LDB3: variants seen among roughly 807,000 people sequenced by gnomAD.
LDB3 encodes the protein LIM domain-binding protein 3.
LDB3 carries 49 observed loss-of-function variants against 69.0 expected under a neutral mutation model. That is an observed-to-expected ratio of 0.71 (90% CI 0.56 to 0.90). LDB3 has a LOEUF of 0.90. Among genes scored for constraint, LDB3 ranks in the 40% least tolerant of loss-of-function variants. The pLI, the probability that LDB3 is intolerant of heterozygous loss-of-function variation, is 0.00. For missense variants in LDB3, 928 were observed against 974.1 expected (o/e 0.95, Z 0.63); for synonymous variants, 387 against 396.2 (o/e 0.98, Z 0.28).
rs1847590379 is a variant in LDB3, at chr10:86,735,183, A to C, written c.*2207A>C. The C allele has an allele frequency of 1.3e-5, 2 of 149,736 alleles. No individual in the cohort carries two copies. The highest frequency in any genetic ancestry group is 4.9e-5 in the African/African-American group (2 of 40,632). 9.3% of individuals were successfully genotyped at this position (149,736 alleles called of 1,614,324 possible). On this transcript the variant is annotated 3_prime_UTR_variant, in exon 14 of 14. Transcript: ENST00000361373. Reference sequence around the variant, plus strand: ...TTCACCACCGTCCTTTATTGAATCAATTTTTCTACATTTCAGAGCAAGTGT... The same window carrying C: ...TTCACCACCGTCCTTTATTGAATCACTTTTTCTACATTTCAGAGCAAGTGT...
chr10:86,693,346 C>T (rs1845860702), intron 7 of LDB3, among the ~76,000 whole-genome samples: 1 of 152,196 alleles, frequency 6.6e-6, no homozygotes, highest in Non-Finnish European at 1.5e-5. Flanking sequence ...ATGTCATCTG[C>T]ATGTTCTTCC....
chr10:86,697,076 C>G (rs1010755938), intron 7 of LDB3, among the ~76,000 whole-genome samples: 1 of 152,132 alleles, frequency 6.6e-6, no homozygotes, highest in Non-Finnish European at 1.5e-5. Flanking sequence ...GGTGCAGAAC[C>G]GAGGACCTCT....
chr10:86,728,884 C>T (rs1324625582), intron 13 of LDB3, among the ~76,000 whole-genome samples: 1 of 151,950 alleles, frequency 6.6e-6, no homozygotes, highest in African/African-American at 2.4e-5. Context: ...CCAGCCGGAA[C>T]ATGGTCTTAA....
At chr10:86,682,501 G>A (rs79069125) in intron 5 of LDB3, among the ~76,000 whole-genome samples, 2,016 of 152,226 alleles carry the variant, frequency 0.013, 49 homozygotes, top group African/African-American at 0.046. Context: ...TGGGACTGGG[G>A]CACTGTAGGG....
intron 4 of LDB3, among the ~76,000 whole-genome samples, chr10:86,680,523 G>C (rs945099342): frequency 6.6e-6 from 1 of 152,200 alleles, no homozygotes; most frequent in East Asian, 1.9e-4. Flanking sequence ...TGCCAAGGGG[G>C]CCACCGCTGG....
Position 86,692,428 on chromosome 10 carries a change from C to T in LDB3, c.860-107C>T, listed in dbSNP as rs1303727869. The T allele has an allele frequency of 7.0e-6, 8 of 1,135,800 alleles. No homozygotes were observed. In the African/African-American group the frequency reaches 1.2e-4, roughly 17 times the overall value. The allele number at this position is 1,135,800 out of a possible 1,614,324, so 70.4% of individuals were successfully genotyped here. A position where few individuals can be genotyped will look rare whatever the true frequency, so the allele number is the denominator to read the frequency against. ...AGTGGACAGGCAAGGGGGCAGTCAC[C>T]GTGTGGGGCCTGGCTGAATCCTGGG... On this transcript the variant is annotated intron_variant, in intron 6 of 13. Transcript: ENST00000361373.
In LDB3 at chr10:86,680,121, A is replaced by G; in HGVS notation, c.285A>G (p.Pro95=). 1 of 1,614,166 alleles carries G rather than the reference A, an allele frequency of 6.2e-7. No homozygotes were observed. Among genetic ancestry groups the G allele is most frequent in the South Asian group, 1.1e-5 (1 of 91,090 alleles). ...TTCCCATCTCCACGACAGCACCTCCAGTCCAGACCCCTCTGCCGGTGATCC... is the reference window on the plus strand; with the variant it reads ...TTCCCATCTCCACGACAGCACCTCCGGTCCAGACCCCTCTGCCGGTGATCC... The part of the protein sequence containing the change: ...RPIPISTTAP[P]VQTPLPVIPH... The change falls in exon 4 of 14, where the codon CCA becomes CCG. Residue 95 remains proline (P), a synonymous_variant. Coordinates refer to ENST00000361373, the MANE Select transcript of LDB3 (RefSeq NM_007078.3).
chr10:86,699,458 G>C lies in LDB3; in HGVS notation c.896+6887G>C. 1 of 1,602,586 alleles carries C rather than the reference G, an allele frequency of 6.2e-7. No individual in the cohort carries two copies. Among genetic ancestry groups the C allele is most frequent in the South Asian group, 1.1e-5 (1 of 90,206 alleles). ...CACAGATCTGGCATGTGAGCCCCAC[G>C]GTGATGCTTGACAATGTATAACTCT... On this transcript the variant is annotated intron_variant, in intron 7 of 13. Coordinates refer to ENST00000361373, the MANE Select transcript of LDB3 (RefSeq NM_007078.3). The surrounding 1 kb of genome is among the most constrained non-coding windows in gnomAD (Gnocchi z 4.9).
At chr10:86,718,600 G>A (rs1280245115) in intron 11 of LDB3, 127 bp from the exon 12 acceptor site, 6 of 1,295,000 alleles carry the variant, frequency 4.6e-6, no homozygotes, top group Non-Finnish European at 6.7e-6. Context: ...GAGTGACCAA[G>A]GCCTGCATCC....
In LDB3 at chr10:86,670,693, A is replaced by G. The variant is rs78744600; in HGVS notation, c.93+1909A>G. Among the ~76,000 whole-genome samples, 348 of 152,242 alleles carry G rather than the reference A, an allele frequency of 2.3e-3. 5 individuals are homozygous for G. The South Asian group carries it at 0.042, about 19-fold the overall frequency. On this transcript the variant is annotated intron_variant, in intron 2 of 13. Coordinates refer to ENST00000361373, the MANE Select transcript of LDB3 (RefSeq NM_007078.3). ...GGTATGCAGGGATGTGCTGGATCCA[A>G]TGACTGTGGGGACTTCTAAAAATAG...
chr10:86,682,544 C>T (rs932549405), intron 5 of LDB3, among the ~76,000 whole-genome samples: 3 of 152,140 alleles, frequency 2.0e-5, no homozygotes, highest in South Asian at 2.1e-4. Flanking sequence ...CCACACTGGG[C>T]CTGTGTTAGC....
chr10:86,681,591 T>C lies in LDB3; in HGVS notation c.477T>C (p.Ser159=). Residue 159 remains serine (S), a synonymous_variant, in exon 5 of 14, where the codon TCT becomes TCC. Coordinates refer to ENST00000361373, the MANE Select transcript of LDB3 (RefSeq NM_007078.3). Reference sequence around the variant, plus strand: ...CCTTCTCCTCACTCGCCGAGGCCTCTGACCCTGGCCCTCCGCGGGCCAGCC... The same window carrying C: ...CCTTCTCCTCACTCGCCGAGGCCTCCGACCCTGGCCCTCCGCGGGCCAGCC... ...PSAFSSLAEA[S]DPGPPRASLR... 1 of 1,613,046 alleles carries C rather than the reference T, an allele frequency of 6.2e-7. No homozygotes were observed. The highest frequency in any genetic ancestry group is 1.1e-5 in the South Asian group (1 of 91,076).
intron 5 of LDB3, chr10:86,687,020 C>T: frequency 6.3e-7 from 1 of 1,577,514 alleles, no homozygotes; most frequent in South Asian, 1.1e-5. Flanking sequence ...CCACCTGTTG[C>T]CCTTTTCTCC....
At chr10:86,705,501 C>G (rs527464779) in intron 7 of LDB3, among the ~76,000 whole-genome samples, 1 of 152,172 alleles carries the variant, frequency 6.6e-6, no homozygotes, top group Non-Finnish European at 1.5e-5. Flanking sequence ...CTCTGCCCAC[C>G]CCATTTTACA....
At chr10:86,727,793 A>C (rs1341714733) in intron 13 of LDB3, among the ~76,000 whole-genome samples, 1 of 149,384 alleles carries the variant, frequency 6.7e-6, no homozygotes, top group Non-Finnish European at 1.5e-5. Context: ...TCTTCACATG[A>C]CATTCTCCTC....
chr10:86,709,419 C>T (rs777898494), intron 8 of LDB3, among the ~76,000 whole-genome samples: 5 of 152,122 alleles, frequency 3.3e-5, no homozygotes, highest in Non-Finnish European at 5.9e-5. Flanking sequence ...GGGGCAGTCT[C>T]CTGACTTCCC....
At chr10:86,695,779 T>C (rs987571976) in intron 7 of LDB3, among the ~76,000 whole-genome samples, 2 of 152,196 alleles carry the variant, frequency 1.3e-5, no homozygotes, top group Admixed American at 6.5e-5. Flanking sequence ...CAGATCCACA[T>C]TGGGCAGCCA....
intron 5 of LDB3, among the ~76,000 whole-genome samples, chr10:86,683,109 G>A (rs188644394): frequency 3.9e-5 from 6 of 152,172 alleles, no homozygotes; most frequent in Non-Finnish European, 8.8e-5. Context: ...TCCTTGTCCC[G>A]CATTTGTTGG....
Position 86,718,949 on chromosome 10 carries a change from C to G in LDB3, c.1978+102C>G, listed in dbSNP as rs554049510. On this transcript the variant is annotated intron_variant, in intron 12 of 13. Coordinates refer to ENST00000361373, the MANE Select transcript of LDB3 (RefSeq NM_007078.3). ...CCTAATCCATTCACATCCGACCACC[C>G]AGAGGCCTTTATTTCTGGAAGAAAC... 10 of 1,434,072 alleles carry G rather than the reference C, an allele frequency of 7.0e-6. No homozygotes were observed. In the Admixed American group the frequency reaches 1.8e-4, roughly 26 times the overall value. 88.8% of individuals were successfully genotyped at this position (1,434,072 alleles called of 1,614,324 possible). A position where few individuals can be genotyped will look rare whatever the true frequency, so the allele number is the denominator to read the frequency against.
Sources: gnomAD v4.1 joint callset for allele counts (sites outside exome capture counted in the v4.1 genomes callset) on GRCh38, gnomAD v4.1.1 for gene constraint, Gnocchi (gnomAD v3.1) non-coding constraint, MANE v1.5 for transcripts, NCBI Gene and HGNC (gene_info 2026-07-23, HGNC 2026-07-21) for gene names.